Variants in NEMF observed in about 807,000 individuals in gnomAD.
NEMF encodes ribosome quality control complex subunit NEMF.
In NEMF, 89 loss-of-function variants were observed where a neutral mutation model predicts 162.2. That is an observed-to-expected ratio of 0.55 (90% confidence interval 0.46 to 0.65). The LOEUF is 0.65. Among genes scored for constraint, NEMF ranks in the 30% least tolerant of loss-of-function variants. The pLI is 0.00. For synonymous variants in NEMF, 421 were observed against 404.5 expected (o/e 1.04, Z -0.49); for missense variants, 1,133 against 1,261.9 (o/e 0.90, Z 1.55).
intron 6 of NEMF, among the ~76,000 whole-genome samples, chr14:49,837,260 G>A (rs1201357936): frequency 6.6e-6 from 1 of 152,210 alleles, no homozygotes; most frequent in Non-Finnish European, 1.5e-5. Flanking sequence ...TGGTGACAGA[G>A]AGAGACTCTG....
rs1374711291 is a variant in NEMF, at chr14:49,810,677, T to C, written c.1744+3311A>G. On this transcript the variant is annotated intron_variant, in intron 18 of 32. Transcript: ENST00000298310. ...ATGAATTTTAGAATCAGCTTCTCCA[T>C]CTCTGAAAAAATAAAATAAAATAAA... Among the ~76,000 whole-genome samples the C allele has an allele frequency of 3.9e-5, 6 of 152,034 alleles. No individual in the cohort carries two copies. In the East Asian group the frequency reaches 1.2e-3, roughly 29 times the overall value.
intron 29 of NEMF, 36 bp from the exon 30 acceptor site, chr14:49,785,356 A>G (rs1337445893): frequency 7.0e-7 from 1 of 1,430,648 alleles, no homozygotes; most frequent in Non-Finnish European, 9.9e-7. Context: ...AAGGCAATTT[A>G]TACCGCCCTT....
At chr14:49,807,899 T>C (rs1891296711) in intron 18 of NEMF, among the ~76,000 whole-genome samples, 1 of 151,800 alleles carries the variant, frequency 6.6e-6, no homozygotes, top group Non-Finnish European at 1.5e-5. Context: ...CCACAGCGCC[T>C]GACTGGTATC....
intron 5 of NEMF, among the ~76,000 whole-genome samples, chr14:49,840,469 A>G (rs1439395203): frequency 1.3e-5 from 2 of 152,122 alleles, no homozygotes; most frequent in African/African-American, 4.8e-5. Context: ...CTCAAAAAAA[A>G]AAAAAACACC....
intron 13 of NEMF, 81 bp downstream of exon 13, chr14:49,828,973 G>C (rs918283461): frequency 7.0e-7 from 1 of 1,422,552 alleles, no homozygotes; most frequent in Non-Finnish European, 9.6e-7. Flanking sequence ...AAAATATGAA[G>C]AAAAAATGTT....
intron 18 of NEMF, among the ~76,000 whole-genome samples, chr14:49,813,095 T>C (rs1340101691): frequency 6.6e-6 from 1 of 152,082 alleles, no homozygotes; most frequent in African/African-American, 2.4e-5. Flanking sequence ...TTATAGACTA[T>C]CCTATGGTCT....
chr14:49,841,196 C>CAAAAAAAAAAAAAAAAAAAAAAAA (rs34039009), intron 4 of NEMF, among the ~76,000 whole-genome samples: 1 of 56,798 alleles, frequency 1.8e-5, no homozygotes, highest in African/African-American at 7.5e-5. Flanking sequence ...AACTCTGTCT[C>CAAAAAAAAAAAAAAAAAAAAAAAA]AAAAAAAAAA....
chr14:49,803,933 T>G (rs1336958758), intron 19 of NEMF, among the ~76,000 whole-genome samples: 1 of 152,132 alleles, frequency 6.6e-6, no homozygotes, highest in Non-Finnish European at 1.5e-5. Flanking sequence ...CATAAAGCTA[T>G]GTTTACTAAA....
At chr14:49,845,116 A>G (rs1458893769) in intron 4 of NEMF, among the ~76,000 whole-genome samples, 1 of 144,206 alleles carries the variant, frequency 6.9e-6, no homozygotes, top group Non-Finnish European at 1.5e-5. Context: ...TTTTTGAGAC[A>G]AAGTCTTGCT....
chr14:49,823,345 C>G (rs1377311179), intron 16 of NEMF, among the ~76,000 whole-genome samples: 1 of 151,364 alleles, frequency 6.6e-6, no homozygotes, highest in Non-Finnish European at 1.5e-5. Context: ...AAACTATTCT[C>G]AGAGAGCTAA....
intron 5 of NEMF, chr14:49,839,472 C>A (rs1005524169): frequency 6.6e-6 from 1 of 152,224 alleles, no homozygotes; most frequent in Non-Finnish European, 1.5e-5. Context: ...ACTTCAGGAA[C>A]CACTGCTATA....
intron 29 of NEMF, chr14:49,786,269 C>T (rs1421467997): frequency 6.1e-6 from 1 of 162,918 alleles, no homozygotes; most frequent in African/African-American, 2.4e-5. Flanking sequence ...TGGGCTAGAA[C>T]AGCCTTCTCT....
At chr14:49,823,203 G>A (rs1265950709) in intron 16 of NEMF, among the ~76,000 whole-genome samples, 1 of 151,818 alleles carries the variant, frequency 6.6e-6, no homozygotes, top group Non-Finnish European at 1.5e-5. Context: ...GTCTCCCAAA[G>A]TGCTAGGATT....
intron 15 of NEMF, 53 bp downstream of exon 15, chr14:49,828,238 T>G: frequency 8.5e-7 from 1 of 1,180,166 alleles, no homozygotes; most frequent in Non-Finnish European, 1.3e-6. Flanking sequence ...ATTATGTCCA[T>G]TAAATTACGC....
chr14:49,821,680 G>A (rs1233752768), intron 16 of NEMF, among the ~76,000 whole-genome samples: 1 of 130,942 alleles, frequency 7.6e-6, no homozygotes, highest in Non-Finnish European at 1.7e-5. Context: ...GTCCGGGAGG[G>A]AGGTGGGGGG....
rs758729795 is a variant in NEMF at position 49,840,811 on chromosome 14, C to T, written c.413G>A (p.Arg138Gln). 5.0e-6 allele frequency: 8 copies of T among 1,613,476 alleles called. No homozygotes were observed. Among genetic ancestry groups the T allele is most frequent in the African/African-American group, 1.3e-5 (1 of 74,878 alleles). ...EYVILNILRFRTDEADDVKFA... is the reference protein window; with the variant it reads ...EYVILNILRFQTDEADDVKFA... ...TTTAACATCATCTGCCTCATCAGTT[C>T]GAAACCTTAGAATATTTAAAATTAC... The change falls in exon 5 of 33, where the codon CGA (arginine) becomes CAA (glutamine). Residue 138 changes from arginine to glutamine, a missense_variant. Around this residue, in one of 3 missense-constraint regions of NEMF, gnomAD observed 582 missense variants for 631.5 expected, o/e 0.92. Coordinates refer to ENST00000298310, the MANE Select transcript of NEMF (RefSeq NM_004713.6).
intron 4 of NEMF, among the ~76,000 whole-genome samples, chr14:49,843,821 G>A (rs1302109241): frequency 3.3e-5 from 5 of 152,196 alleles, no homozygotes; most frequent in East Asian, 1.9e-4. Flanking sequence ...GTTCCAGGCC[G>A]GGCGCAGTGG....
chr14:49,798,012 G>A (rs1379281846), intron 25 of NEMF, among the ~76,000 whole-genome samples: 1 of 152,178 alleles, frequency 6.6e-6, no homozygotes, highest in African/African-American at 2.4e-5. Flanking sequence ...GCATGAATGA[G>A]TGCAGGTATG....
At chr14:49,801,380 C>T (rs900986848) in intron 22 of NEMF, 2 of 151,844 alleles carry the variant, frequency 1.3e-5, no homozygotes, top group African/African-American at 2.4e-5. Flanking sequence ...CCTAGCTACT[C>T]GGGAGGCTGA....
Sources: gnomAD v4.1 joint callset for allele counts (sites outside exome capture counted in the v4.1 genomes callset) on GRCh38, gnomAD v4.1.1 for gene constraint, gnomAD v4.1.1 regional missense constraint, MANE v1.5 for transcripts, NCBI Gene and HGNC (gene_info 2026-07-23, HGNC 2026-07-21) for gene names.